EPHA10: variants seen among roughly 807,000 people sequenced by gnomAD.
EPHA10 encodes the protein EPH receptor A10.
EPHA10 carries 120 observed loss-of-function variants against 109.7 expected under a neutral mutation model. The observed-to-expected ratio is 1.09, with a 90% confidence interval of 0.94 to 1.27. EPHA10 has a LOEUF of 1.27. Among genes scored for constraint, EPHA10 ranks in the 50% most tolerant of loss-of-function variants. The pLI is 0.00. For synonymous variants in EPHA10, 640 were observed against 618.9 expected (o/e 1.03, Z -0.51); for missense variants, 1,396 against 1,411.1 (o/e 0.99, Z 0.17).
chr1:37,723,788 T>C (rs1446066790), intron 8 of EPHA10, among the ~76,000 whole-genome samples: 1 of 152,186 alleles, frequency 6.6e-6, no homozygotes, highest in African/African-American at 2.4e-5. Flanking sequence ...ACAAGCCCAC[T>C]CACCAGTGCT....
Position 37,718,401 on chromosome 1 carries a change from G to A in EPHA10, c.2998C>T (p.Gln1000Ter). ...GISALQARVL[Q>*]LQGQGVQV ...ACCTGCACCCCCTGGCCCTGCAGCTGGAGCACTCGTGCCTGCAGGGCGCTG... is the reference window on the plus strand; with the variant it reads ...ACCTGCACCCCCTGGCCCTGCAGCTAGAGCACTCGTGCCTGCAGGGCGCTG... Residue 1000 changes from glutamine to a stop codon, truncating the protein, a stop_gained, in exon 17 of 17, where the codon CAG becomes TAG. Transcript: ENST00000373048. LOFTEE classifies it high-confidence loss of function. The A allele has an allele frequency of 6.2e-7, 1 of 1,612,562 alleles. No homozygotes were observed. Among genetic ancestry groups the A allele is most frequent in the Non-Finnish European group, 8.5e-7 (1 of 1,179,592 alleles).
intron 5 of EPHA10, among the ~76,000 whole-genome samples, chr1:37,743,003 AATAAT>A (rs1200391337): frequency 6.6e-6 from 1 of 151,470 alleles, no homozygotes; most frequent in East Asian, 1.9e-4. Flanking sequence ...CTCTAATAAT[AATAAT>A]ATAATAATAA....
At chr1:37,723,694 G>C (rs1645841538) in intron 8 of EPHA10, among the ~76,000 whole-genome samples, 1 of 152,250 alleles carries the variant, frequency 6.6e-6, no homozygotes, top group African/African-American at 2.4e-5. Flanking sequence ...ATGCGGTTTT[G>C]TGAAAGTGTG....
intron 3 of EPHA10, chr1:37,761,158 G>T: frequency 5.1e-6 from 7 of 1,377,660 alleles, no homozygotes; most frequent in Non-Finnish European, 6.5e-6. Flanking sequence ...CCTGTGCAAG[G>T]TGCCTAAGAT....
In EPHA10 at chr1:37,721,522, C is replaced by T. The variant is rs1010469017; in HGVS notation, c.2146+138G>A. Reference sequence around the variant, plus strand: ...AAGGGCCGCCTTGAGTCAGTGAAAGCTGAGGTCCCTGGCTGAAGCTCCCTC... The same window carrying T: ...AAGGGCCGCCTTGAGTCAGTGAAAGTTGAGGTCCCTGGCTGAAGCTCCCTC... On this transcript the variant is annotated intron_variant, in intron 11 of 16. Coordinates refer to ENST00000373048, the MANE Select transcript of EPHA10 (RefSeq NM_001099439.2). The T allele has an allele frequency of 6.8e-6, 6 of 877,044 alleles. No homozygotes were observed. In the Admixed American group the frequency reaches 1.1e-4, roughly 16 times the overall value. The allele number at this position is 877,044 out of a possible 1,614,324, so 54.3% of individuals were successfully genotyped here.
chr1:37,727,023 A>C, intron 8 of EPHA10, 79 bp downstream of exon 8: 1 of 1,157,982 alleles, frequency 8.6e-7, no homozygotes, highest in Non-Finnish European at 1.2e-6. Flanking sequence ...CAAAGTGGGC[A>C]GAGATGCCTG....
intron 11 of EPHA10, 45 bp downstream of exon 11, chr1:37,721,615 C>T: frequency 6.4e-7 from 1 of 1,556,230 alleles, no homozygotes; most frequent in Non-Finnish European, 8.7e-7. Context: ...TTTCCACCCC[C>T]CATACCCGTG....
chr1:37,731,552 T>A lies in EPHA10; in HGVS notation c.1522A>T (p.Lys508Ter). ...ACGGTGACTGTGGGCGCCCCTGTCT[T>A]CACCATGGAGTAAGTCTGCTCACTC... is the stretch of plus-strand genomic sequence containing the variant. ...GQSEQTYSMV[K>*]TGAPTVTVTN... Residue 508 changes from lysine to a stop codon, truncating the protein, a stop_gained, in exon 7 of 17, where the codon AAG becomes TAG. Transcript: ENST00000373048. LOFTEE classifies it high-confidence loss of function. 1 of 1,613,740 alleles carries A rather than the reference T, an allele frequency of 6.2e-7. No individual in the cohort carries two copies. Among genetic ancestry groups the A allele is most frequent in the Non-Finnish European group, 8.5e-7 (1 of 1,179,800 alleles).
At chr1:37,748,590 T>C (rs1179920906) in intron 5 of EPHA10, among the ~76,000 whole-genome samples, 4 of 152,036 alleles carry the variant, frequency 2.6e-5, no homozygotes, top group Non-Finnish European at 5.9e-5. Context: ...CTTAGAAATG[T>C]AGATGGGAAA....
In EPHA10 at chr1:37,752,919, C is replaced by CGCG. The variant is rs998289738; in HGVS notation, c.1311_1313dup (p.Ala438dup). ...CGGTGACCTGCGCGTAGGTGGTTCC[C>CGCG]GCGGCGGCCGCCGGGCCCGAGACGC... On this transcript the variant is annotated inframe_insertion, in exon 5 of 17. Transcript: ENST00000373048. 3.8e-5 allele frequency: 50 copies of CGCG among 1,309,638 alleles called. 1 individual carries two copies. Among genetic ancestry groups the CGCG allele is most frequent in the Middle Eastern group, 5.8e-4 (2 of 3,432 alleles). The allele number at this position is 1,309,638 out of a possible 1,614,324, so 81.1% of individuals were successfully genotyped here. A position where few individuals can be genotyped will look rare whatever the true frequency, so the allele number is the denominator to read the frequency against.
In EPHA10 at chr1:37,754,479, G is replaced by T. The variant is rs967581095; in HGVS notation, c.851-109C>A. Reference sequence around the variant, plus strand: ...CTCCTCCAATTGCGATAGAAAAACAGTCAGGGGACTCAGCCACTCCAGTCA... The same window carrying T: ...CTCCTCCAATTGCGATAGAAAAACATTCAGGGGACTCAGCCACTCCAGTCA... On this transcript the variant is annotated intron_variant, in intron 3 of 16. Transcript: ENST00000373048. The surrounding 1 kb of genome is among the most constrained non-coding windows in gnomAD (Gnocchi z 4.5). 1.9e-6 allele frequency: 2 copies of T among 1,075,820 alleles called. No individual in the cohort carries two copies. The highest frequency in any genetic ancestry group is 3.2e-5 in the East Asian group (1 of 30,932). The allele number at this position is 1,075,820 out of a possible 1,614,324, so 66.6% of individuals were successfully genotyped here.
Position 37,717,181 on chromosome 1 carries a change from C to T in EPHA10, c.*1191G>A, listed in dbSNP as rs2148299048. 4.3e-6 allele frequency: 1 copy of T among 233,010 alleles called. No individual in the cohort carries two copies. The highest frequency in any genetic ancestry group is 1.3e-3 in the Middle Eastern group (1 of 784). 14.4% of individuals were successfully genotyped at this position (233,010 alleles called of 1,614,324 possible). ...CTGGGCCCCACCATTCCCGGGGGCCCTTGTGGATAAGGAACTCCACGGTGG... is the reference window on the plus strand; with the variant it reads ...CTGGGCCCCACCATTCCCGGGGGCCTTTGTGGATAAGGAACTCCACGGTGG... On this transcript the variant is annotated 3_prime_UTR_variant, in exon 17 of 17. Transcript: ENST00000373048.
chr1:37,734,683 G>A (rs919534167), intron 6 of EPHA10: 5 of 451,838 alleles, frequency 1.1e-5, no homozygotes, highest in African/African-American at 8.0e-5. Flanking sequence ...ATCAGCACAA[G>A]TATCCTATGG....
At position 37,753,225 on chromosome 1, in the gene EPHA10, C is replaced by T; in HGVS notation, c.1008G>A (p.Arg336=). The T allele has an allele frequency of 7.6e-7, 1 of 1,321,004 alleles. No individual in the cohort carries two copies. The highest frequency in any genetic ancestry group is 9.6e-7 in the Non-Finnish European group (1 of 1,039,712). The allele number at this position is 1,321,004 out of a possible 1,614,324, so 81.8% of individuals were successfully genotyped here. A position where few individuals can be genotyped will look rare whatever the true frequency, so the allele number is the denominator to read the frequency against. ...GCAGGTCCCGCGGCGCCGACGGCGG[C>T]CCTGAGGCGGCACAGGGGCGGGGCG... ...PTDPPSASCT[R]PPSAPRDLQY... The change falls in exon 5 of 17, where the codon CGG becomes CGA. Residue 336 remains arginine (R), a splice_region_variant and synonymous_variant. Transcript: ENST00000373048.
chr1:37,756,598 G>A lies in EPHA10; in HGVS notation c.851-2228C>T, dbSNP rs1157457603. The stretch of plus-strand genomic sequence containing the variant: ...TCCTCCGGCAGCTTCCCCAGCAGTA[G>A]CCACAGTCTTTGTCACATACTTTAT... On this transcript the variant is annotated intron_variant, in intron 3 of 16. Transcript: ENST00000373048. 2.6e-5 allele frequency: 4 copies of A among 152,478 alleles called. No individual in the cohort carries two copies. The East Asian group carries it at 7.7e-4, about 29-fold the overall frequency. 9.4% of individuals were successfully genotyped at this position (152,478 alleles called of 1,614,324 possible). A position where few individuals can be genotyped will look rare whatever the true frequency, so the allele number is the denominator to read the frequency against.
Position 37,727,142 on chromosome 1 carries a change from C to A in EPHA10, c.1732G>T (p.Val578Phe), listed in dbSNP as rs202093389. 6 of 1,612,872 alleles carry A rather than the reference C, an allele frequency of 3.7e-6. No homozygotes were observed. In the South Asian group the frequency reaches 6.6e-5, roughly 18 times the overall value. Reference protein sequence around the residue: ...VTVVTISALLVLGSVMSVLAI... With the variant: ...VTVVTISALLFLGSVMSVLAI... ...AGCACACTCATCACGGAGCCCAGGA[C>A]GAGGAGGGCCGAGATGGTCACTACG... Residue 578 changes from valine (V) to phenylalanine (F), a missense_variant, in exon 8 of 17, where the codon GTC becomes TTC. Transcript: ENST00000373048.
downstream of EPHA10, among the ~76,000 whole-genome samples, chr1:37,714,503 T>G (rs1248176942): frequency 6.6e-6 from 1 of 152,136 alleles, no homozygotes; most frequent in East Asian, 1.9e-4. Context: ...TCCCCAATCC[T>G]CTCATCTGGC....
intron 5 of EPHA10, among the ~76,000 whole-genome samples, chr1:37,749,628 G>C (rs1646293253): frequency 6.6e-6 from 1 of 151,110 alleles, no homozygotes; most frequent in African/African-American, 2.4e-5. Context: ...AGCCAAGACT[G>C]AGCCATTGCA....
Position 37,731,509 on chromosome 1 carries a change from G to A in EPHA10, c.1565C>T (p.Ala522Val), listed in dbSNP as rs1645982333. The A allele has an allele frequency of 1.9e-6, 3 of 1,614,020 alleles. No individual in the cohort carries two copies. Among genetic ancestry groups the A allele is most frequent in the Non-Finnish European group, 2.5e-6 (3 of 1,180,020 alleles). ...PTVTVTNLKP[A>V]TRYVFQIRAA... Reference sequence around the variant, plus strand: ...CCGGATCTGAAAGACGTAGCGGGTAGCCGGCTTCAGGTTGGTGACGGTGAC... The same window carrying A: ...CCGGATCTGAAAGACGTAGCGGGTAACCGGCTTCAGGTTGGTGACGGTGAC... The change falls in exon 7 of 17, where the codon GCT becomes GTT. Residue 522 changes from alanine (A) to valine (V), a missense_variant. By Grantham distance (64) the Ala-to-Val change is moderately conservative. Coordinates refer to ENST00000373048, the MANE Select transcript of EPHA10 (RefSeq NM_001099439.2).
Sources: gnomAD v4.1 joint callset for allele counts (sites outside exome capture counted in the v4.1 genomes callset) on GRCh38, gnomAD v4.1.1 for gene constraint, Gnocchi (gnomAD v3.1) non-coding constraint, MANE v1.5 for transcripts, NCBI Gene and HGNC (gene_info 2026-07-23, HGNC 2026-07-21) for gene names.